ACVR1: variants seen among roughly 807,000 people sequenced by gnomAD.
The protein encoded by ACVR1 is activin A receptor type 1.
ACVR1 carries 38 observed loss-of-function variants against 57.1 expected under a neutral mutation model. The observed-to-expected ratio is 0.67, with a 90% confidence interval of 0.51 to 0.87. The LOEUF is 0.87. ACVR1 is among the 40% of genes least tolerant of loss of function. The pLI is 0.00. For synonymous variants in ACVR1, 212 were observed against 228.1 expected, an observed-to-expected ratio of 0.93 and a Z score of 0.63; for missense variants, 463 against 638.2, an observed-to-expected ratio of 0.73 and a Z score of 2.96.
At chr2:157,853,026 A>G (rs1344487052) in intron 1 of ACVR1, among the ~76,000 whole-genome samples, 1 of 152,256 alleles carries the variant, frequency 6.6e-6, no homozygotes, top group Non-Finnish European at 1.5e-5. Context: ...CCTAACAATA[A>G]GATCTCAAAA....
At chr2:157,774,291 C>A in intron 5 of ACVR1, 104 bp from the exon 6 acceptor site, 2 of 862,052 alleles carry the variant, frequency 2.3e-6, no homozygotes, top group Non-Finnish European at 3.9e-6. Context: ...GGCAGCAATC[C>A]GGGACACGTG....
chr2:157,774,892 G>C (rs201824084), intron 5 of ACVR1, among the ~76,000 whole-genome samples: 4 of 81,886 alleles, frequency 4.9e-5, no homozygotes, highest in African/African-American at 1.6e-4. Flanking sequence ...AGAAAAGGGT[G>C]GGGGGGGTCC....
intron 2 of ACVR1, among the ~76,000 whole-genome samples, chr2:157,815,184 G>A (rs1228741502): frequency 6.6e-6 from 1 of 152,118 alleles, no homozygotes; most frequent in African/African-American, 2.4e-5. Flanking sequence ...CGTGGATACT[G>A]TTACCATGTG....
chr2:157,832,507 C>T (rs1318789949), intron 1 of ACVR1, among the ~76,000 whole-genome samples: 1 of 152,024 alleles, frequency 6.6e-6, no homozygotes, highest in South Asian at 2.1e-4. Flanking sequence ...GTGTCTGCTC[C>T]CAGAATTATG....
At chr2:157,770,188 T>C (rs929966294) in intron 7 of ACVR1, among the ~76,000 whole-genome samples, 180 bp downstream of exon 7, 2 of 152,214 alleles carry the variant, frequency 1.3e-5, no homozygotes, top group African/African-American at 2.4e-5. Flanking sequence ...TTAAACTTAT[T>C]TGCAGATTTA....
intron 3 of ACVR1, among the ~76,000 whole-genome samples, chr2:157,797,340 C>A (rs1687160492): frequency 6.6e-6 from 1 of 152,082 alleles, no homozygotes; most frequent in Non-Finnish European, 1.5e-5. Context: ...TTATATGCCT[C>A]CTTGGAAACT....
chr2:157,756,379 G>C (rs1388046509), intron 9 of ACVR1, among the ~76,000 whole-genome samples: 1 of 152,068 alleles, frequency 6.6e-6, no homozygotes, highest in East Asian at 1.9e-4. Flanking sequence ...ACACCCCACA[G>C]AGTGGGAGAA....
Position 157,738,473 on chromosome 2 carries a change from C to A in ACVR1, c.1362G>T (p.Arg454Ser). 1 of 1,613,952 alleles carries A rather than the reference C, an allele frequency of 6.2e-7. No homozygotes were observed. The highest frequency in any genetic ancestry group is 8.5e-7 in the Non-Finnish European group (1 of 1,179,946). Residue 454 changes from arginine (R) to serine (S), a missense_variant, in exon 10 of 11, where the codon AGG (arginine) becomes AGT (serine). Physicochemically the swap from Arg to Ser is moderately radical, Grantham distance 110. Coordinates refer to ENST00000434821, the MANE Select transcript of ACVR1 (RefSeq NM_001111067.4). ...MRKVVCVDQQ[R>S]PNIPNRWFSD... Reference sequence around the variant, plus strand: ...AGAACCATCTGTTGGGTATGTTTGGCCTTTGTTGATCCACACAGACTACCT... The same window carrying A: ...AGAACCATCTGTTGGGTATGTTTGGACTTTGTTGATCCACACAGACTACCT...
chr2:157,743,605 A>G (rs1318235389), intron 9 of ACVR1, among the ~76,000 whole-genome samples: 1 of 151,872 alleles, frequency 6.6e-6, no homozygotes, highest in African/African-American at 2.4e-5. Context: ...AGGTAATAGC[A>G]TACCCTATAT....
At chr2:157,867,842 C>T (rs2354936) in intron 1 of ACVR1, among the ~76,000 whole-genome samples, 148,228 of 152,238 alleles carry the variant, frequency 0.97, 72,287 homozygotes, top group East Asian at 1. Context: ...CTTAGACATT[C>T]ATATCACCTC....
intron 3 of ACVR1, among the ~76,000 whole-genome samples, chr2:157,791,688 G>A (rs75199580): frequency 3.3e-5 from 5 of 152,288 alleles, no homozygotes; most frequent in East Asian, 1.9e-4. Flanking sequence ...GATGACTAAC[G>A]GTGGTGTTTT....
At position 157,761,039 on chromosome 2, in the gene ACVR1, C is replaced by T; in HGVS notation, c.1105G>A (p.Asp369Asn). The T allele has an allele frequency of 6.2e-7, 1 of 1,614,102 alleles. No individual in the cohort carries two copies. Among genetic ancestry groups the T allele is most frequent in the South Asian group, 1.1e-5 (1 of 91,076 alleles). The change falls in exon 9 of 11, where the codon GAT (aspartate) becomes AAT (asparagine). Residue 369 changes from aspartate to asparagine, a missense_variant. Coordinates refer to ENST00000434821, the MANE Select transcript of ACVR1 (RefSeq NM_001111067.4). ...CCCACACGGGGATTGTTCCCCACATCAAGCTGATTGGTGCTCTGGGAATGC... is the reference window on the plus strand; with the variant it reads ...CCCACACGGGGATTGTTCCCCACATTAAGCTGATTGGTGCTCTGGGAATGC... ...VMHSQSTNQL[D>N]VGNNPRVGTK...
At chr2:157,865,563 G>A (rs886305557) in intron 1 of ACVR1, among the ~76,000 whole-genome samples, 18 of 151,878 alleles carry the variant, frequency 1.2e-4, no homozygotes, top group African/African-American at 3.9e-4. Flanking sequence ...AGGCCGAGGC[G>A]GGCAGATCAC....
At chr2:157,758,069 A>T (rs1685504383) in intron 9 of ACVR1, among the ~76,000 whole-genome samples, 1 of 152,032 alleles carries the variant, frequency 6.6e-6, no homozygotes, top group South Asian at 2.1e-4. Context: ...ACCCAACTAC[A>T]TGATGTCTTC....
intron 7 of ACVR1, among the ~76,000 whole-genome samples, chr2:157,766,541 A>T (rs1685867888): frequency 6.6e-6 from 1 of 152,222 alleles, no homozygotes. Context: ...GGAACAGACC[A>T]TTCATCAACC....
rs1684554864 is a variant in ACVR1, at chr2:157,736,935, A to T, written c.*596T>A. The T allele has an allele frequency of 3.2e-6, 1 of 310,768 alleles. No individual in the cohort carries two copies. The highest frequency in any genetic ancestry group is 4.7e-5 in the Admixed American group (1 of 21,316). 19.3% of individuals were successfully genotyped at this position (310,768 alleles called of 1,614,324 possible). A position where few individuals can be genotyped will look rare whatever the true frequency, so the allele number is the denominator to read the frequency against. On this transcript the variant is annotated 3_prime_UTR_variant, in exon 11 of 11. Coordinates refer to ENST00000434821, the MANE Select transcript of ACVR1 (RefSeq NM_001111067.4). ...AATTCCTAATGTTCGGCATCATTGT[A>T]AACATCAGCACATGTGTAAAATGCA...
intron 1 of ACVR1, among the ~76,000 whole-genome samples, chr2:157,828,498 G>T (rs1422453302): frequency 1.4e-5 from 2 of 148,016 alleles, no homozygotes; most frequent in Admixed American, 1.4e-4. Flanking sequence ...GTGGGTCCCT[G>T]TAGTCCCAGC....
chr2:157,755,549 ATACCATACC>A (rs1685392131), intron 9 of ACVR1, among the ~76,000 whole-genome samples: 2 of 150,452 alleles, frequency 1.3e-5, no homozygotes, highest in African/African-American at 4.9e-5. Flanking sequence ...ATACCATACC[ATACCATACC>A]ATACCATACC....
chr2:157,803,607 A>G (rs929879574), intron 2 of ACVR1, among the ~76,000 whole-genome samples: 24 of 152,238 alleles, frequency 1.6e-4, no homozygotes, highest in African/African-American at 5.8e-4. Context: ...TTGCATTTTT[A>G]AAAGTAAAAT....
Sources: allele counts gnomAD v4.1 joint callset (sites outside exome capture counted in the v4.1 genomes callset), GRCh38; gene constraint gnomAD v4.1.1; transcripts MANE v1.5; gene names NCBI Gene and HGNC (gene_info 2026-07-23, HGNC 2026-07-21).